DNAJB14: variants seen among roughly 807,000 people sequenced by gnomAD.
DNAJB14 encodes dnaJ homolog subfamily B member 14.
In DNAJB14, 22 loss-of-function variants were observed where a neutral mutation model predicts 48.4. The ratio of observed to expected loss-of-function variants is 0.45; its 90% CI spans 0.32 to 0.65. DNAJB14 has a LOEUF of 0.65. DNAJB14 is among the 30% of genes least tolerant of loss of function. The pLI is 0.03. For missense variants in DNAJB14, 319 were observed against 458.8 expected (o/e 0.70, Z 2.78); for synonymous variants, 142 against 158.7 (o/e 0.89, Z 0.79).
intron 2 of DNAJB14, chr4:99,928,747 A>AAT (rs1428778064): frequency 2.6e-4 from 45 of 173,428 alleles, no homozygotes; most frequent in Non-Finnish European, 3.2e-4. Context: ...TATATTCTTA[A>AAT]ATATATATAT....
At chr4:99,938,014 T>C (rs190293830) in intron 1 of DNAJB14, among the ~76,000 whole-genome samples, 15 of 145,254 alleles carry the variant, frequency 1.0e-4, no homozygotes, top group Admixed American at 8.4e-4. Flanking sequence ...TCCCAACACT[T>C]TGGGAGGCTG....
At chr4:99,906,222 C>G (rs2110194013) in intron 5 of DNAJB14, 1 of 1,355,290 alleles carries the variant, frequency 7.4e-7, no homozygotes, top group African/African-American at 1.5e-5. Flanking sequence ...TTTCAGTACT[C>G]TAAATTCTTC....
In DNAJB14 at chr4:99,912,103, T is replaced by C. The variant is rs370201614; in HGVS notation, c.452-3207A>G. ...AATTTTTTGGCCTATGGGTGTCCAA[T>C]TGCCTCAAAACCAACTGTTGAAAAG... is the stretch of plus-strand genomic sequence containing the variant. On this transcript the variant is annotated intron_variant, in intron 3 of 7. Coordinates refer to ENST00000442697, the MANE Select transcript of DNAJB14 (RefSeq NM_001031723.4). Among the ~76,000 whole-genome samples the C allele has an allele frequency of 1.8e-4, 27 of 152,346 alleles. No individual in the cohort carries two copies. In the East Asian group the frequency reaches 4.8e-3, roughly 27 times the overall value.
At chr4:99,915,677 G>T (rs1350501326) in intron 3 of DNAJB14, among the ~76,000 whole-genome samples, 3 of 152,068 alleles carry the variant, frequency 2.0e-5, no homozygotes, top group Non-Finnish European at 4.4e-5. Context: ...TGTTCTGTGG[G>T]CACTTGAAAA....
intron 1 of DNAJB14, among the ~76,000 whole-genome samples, chr4:99,946,154 T>G (rs1727059210): frequency 6.6e-6 from 1 of 152,218 alleles, no homozygotes; most frequent in African/African-American, 2.4e-5. Context: ...ACAAGTCTCC[T>G]CCAGGGAGAA....
intron 2 of DNAJB14, chr4:99,929,595 A>T (rs1726386171): frequency 6.6e-6 from 1 of 152,236 alleles, no homozygotes; most frequent in South Asian, 2.1e-4. Flanking sequence ...TGGTAAATAA[A>T]AAGTTGAGAA....
chr4:99,930,372 A>G (rs1054772842), intron 2 of DNAJB14, 78 bp downstream of exon 2: 17 of 1,385,124 alleles, frequency 1.2e-5, no homozygotes, highest in Non-Finnish European at 1.5e-5. Flanking sequence ...GTTATATTTC[A>G]CTTTTTTCAG....
At chr4:99,943,639 A>C (rs1024699389) in intron 1 of DNAJB14, among the ~76,000 whole-genome samples, 1 of 152,196 alleles carries the variant, frequency 6.6e-6, no homozygotes, top group African/African-American at 2.4e-5. Flanking sequence ...TAAAGGCTAG[A>C]GAGGTTCTCT....
intron 1 of DNAJB14, among the ~76,000 whole-genome samples, chr4:99,944,936 C>T (rs1274317594): frequency 6.6e-6 from 1 of 152,118 alleles, no homozygotes; most frequent in East Asian, 1.9e-4. Flanking sequence ...AACTTGGGAA[C>T]ATTATGCTAA....
chr4:99,927,229 A>G (rs1465829934), intron 2 of DNAJB14: 1 of 152,174 alleles, frequency 6.6e-6, no homozygotes, highest in Admixed American at 6.5e-5. Flanking sequence ...CAGACTTTAT[A>G]TCTTCTCTTA....
At position 99,896,652 on chromosome 4, in the gene DNAJB14, A is replaced by G. The variant is rs1221564295; in HGVS notation, c.*4376T>C. The stretch of plus-strand genomic sequence containing the variant: ...CATTTCTTAATACAGATAAACTGCA[A>G]AATATCATTTATGTGTGTTTCTTCT... On this transcript the variant is annotated 3_prime_UTR_variant, in exon 8 of 8. Transcript: ENST00000442697. The G allele has an allele frequency of 6.6e-6, 1 of 152,214 alleles. No homozygotes were observed. The highest frequency in any genetic ancestry group is 1.5e-5 in the Non-Finnish European group (1 of 68,000). The allele number at this position is 152,214 out of a possible 1,614,324, so 9.4% of individuals were successfully genotyped here.
intron 3 of DNAJB14, among the ~76,000 whole-genome samples, chr4:99,918,512 T>C (rs553922220): frequency 1.3e-5 from 2 of 152,342 alleles, no homozygotes; most frequent in Non-Finnish European, 2.9e-5. Flanking sequence ...CTGGATCTTA[T>C]TTACATATTT....
At chr4:99,936,085 T>TA (rs138935446) in intron 1 of DNAJB14, among the ~76,000 whole-genome samples, 16,746 of 152,054 alleles carry the variant, frequency 0.11, 1,085 homozygotes, top group East Asian at 0.24. Flanking sequence ...AATTTAAAAA[T>TA]AGAGACAGTC....
chr4:99,905,427 T>A (rs1005979111), intron 6 of DNAJB14, among the ~76,000 whole-genome samples, 170 bp downstream of exon 6: 12 of 151,972 alleles, frequency 7.9e-5, no homozygotes, highest in African/African-American at 2.9e-4. Flanking sequence ...TAAGACAAAT[T>A]TATTACTTAA....
chr4:99,899,395 CT>C lies in DNAJB14; in HGVS notation c.*1632del, dbSNP rs562068950. On this transcript the variant is annotated 3_prime_UTR_variant, in exon 8 of 8. Transcript: ENST00000442697. Reference sequence around the variant, plus strand: ...AAATTGTATTTTCTCTTAAGCACTGCTTTTTTTTTTTTTTTAAGGTAACATT... The same window carrying C: ...AAATTGTATTTTCTCTTAAGCACTGCTTTTTTTTTTTTTTAAGGTAACATT... 0.044 allele frequency: 5,989 copies of C among 137,512 alleles called. 208 individuals are homozygous for C. The highest frequency in any genetic ancestry group is 0.11 in the African/African-American group (3,980 of 37,834). 8.5% of individuals were successfully genotyped at this position (137,512 alleles called of 1,614,324 possible).
Position 99,900,554 on chromosome 4 carries a change from T to G in DNAJB14, c.*474A>C, listed in dbSNP as rs1725263971. The G allele has an allele frequency of 6.6e-6, 1 of 152,510 alleles. No homozygotes were observed. The highest frequency in any genetic ancestry group is 1.5e-5 in the Non-Finnish European group (1 of 68,038). 9.4% of individuals were successfully genotyped at this position (152,510 alleles called of 1,614,324 possible). Reference sequence around the variant, plus strand: ...GTTTCATTGTTTAAAGTCCACATATTTGACACCTTGATAAGGAAAATGTAA... The same window carrying G: ...GTTTCATTGTTTAAAGTCCACATATGTGACACCTTGATAAGGAAAATGTAA... On this transcript the variant is annotated 3_prime_UTR_variant, in exon 8 of 8. Transcript: ENST00000442697.
intron 2 of DNAJB14, chr4:99,928,458 C>T (rs1273430741): frequency 3.2e-6 from 1 of 311,554 alleles, no homozygotes; most frequent in Non-Finnish European, 6.9e-6. Flanking sequence ...ACAGCCAGTT[C>T]CTCTGGGCTT....
intron 2 of DNAJB14, chr4:99,924,624 G>A (rs1726181523): frequency 3.8e-6 from 4 of 1,056,642 alleles, no homozygotes; most frequent in African/African-American, 1.6e-5. Context: ...CCCAGACAGT[G>A]TTCTAGGCAT....
intron 3 of DNAJB14, 119 bp downstream of exon 3, chr4:99,922,920 AC>A (rs1423722495): frequency 8.9e-7 from 1 of 1,126,870 alleles, no homozygotes; most frequent in African/African-American, 1.6e-5. Context: ...GATTTTCCAG[AC>A]TCTTGCTTGT....
Sources: gnomAD v4.1 joint callset for allele counts (sites outside exome capture counted in the v4.1 genomes callset) on GRCh38, gnomAD v4.1.1 for gene constraint, MANE v1.5 for transcripts, NCBI Gene and HGNC (gene_info 2026-07-23, HGNC 2026-07-21) for gene names.